PLEKHG1: variants seen among roughly 807,000 people sequenced by gnomAD.
The protein encoded by PLEKHG1 is pleckstrin homology and RhoGEF domain containing G1.
A neutral mutation model predicts 100.8 loss-of-function variants in PLEKHG1; 44 were observed. The ratio of observed to expected loss-of-function variants is 0.44; its 90% CI spans 0.34 to 0.56. The LOEUF is 0.56. Among genes scored for constraint, PLEKHG1 ranks in the 20% least tolerant of loss-of-function variants. The pLI is 0.01. For synonymous variants in PLEKHG1, 640 were observed against 662.5 expected, an observed-to-expected ratio of 0.97 and a Z score of 0.52; for missense variants, 1,545 against 1,720.9, an observed-to-expected ratio of 0.90 and a Z score of 1.81.
intron 2 of PLEKHG1, among the ~76,000 whole-genome samples, chr6:150,759,971 G>A (rs1784066128): frequency 6.6e-6 from 1 of 152,168 alleles, no homozygotes; most frequent in Non-Finnish European, 1.5e-5. Flanking sequence ...ATTCTCACCT[G>A]GATGACAGAG....
chr6:150,827,448 TG>T (rs1776674880), intron 14 of PLEKHG1, among the ~76,000 whole-genome samples: 1 of 152,066 alleles, frequency 6.6e-6, no homozygotes, highest in Admixed American at 6.6e-5. Flanking sequence ...CGGCTAATTT[TG>T]TATTTATAGT....
At chr6:150,623,511 C>A (rs1253554417) in intron 1 of PLEKHG1, among the ~76,000 whole-genome samples, 1 of 152,214 alleles carries the variant, frequency 6.6e-6, no homozygotes, top group African/African-American at 2.4e-5. Flanking sequence ...CCAGTGGGAA[C>A]TCCAGGTCTC....
chr6:150,656,269 A>C (rs1479513011), intron 3 of PLEKHG1, among the ~76,000 whole-genome samples: 1 of 152,076 alleles, frequency 6.6e-6, no homozygotes, highest in Non-Finnish European at 1.5e-5. Context: ...GAGAAAAAGG[A>C]TATGAGTTTA....
At position 150,683,267 on chromosome 6, in the gene PLEKHG1, C is replaced by T. The variant is rs940755558; in HGVS notation, c.-99+32481C>T. On this transcript the variant is annotated intron_variant, in intron 3 of 3. Transcript: ENST00000367326. This position sits in a 1 kb window ranked among gnomAD's most constrained non-coding sequence, Gnocchi z 4.0. ...GACATTAGCAACAAACACCCATGAA[C>T]GAAAGTTTGTTGTGAGCCACACTGG... Among the ~76,000 whole-genome samples, 2 of 152,188 alleles carry T rather than the reference C, an allele frequency of 1.3e-5. No individual in the cohort carries two copies. Among genetic ancestry groups the T allele is most frequent in the South Asian group, 4.1e-4 (2 of 4,826 alleles).
At chr6:150,693,912 A>G (rs1780443618) in intron 3 of PLEKHG1, among the ~76,000 whole-genome samples, 1 of 152,226 alleles carries the variant, frequency 6.6e-6, no homozygotes, top group South Asian at 2.1e-4. Flanking sequence ...GCGCTTCAAG[A>G]GAATGGAAGC....
At chr6:150,630,161 G>A (rs1485102443) in intron 1 of PLEKHG1, among the ~76,000 whole-genome samples, 1 of 152,172 alleles carries the variant, frequency 6.6e-6, no homozygotes, top group East Asian at 1.9e-4. Context: ...ATGGTACCTG[G>A]GGAATAGGTC....
chr6:150,723,626 A>G (rs1781810657), intron 1 of PLEKHG1, among the ~76,000 whole-genome samples: 1 of 152,180 alleles, frequency 6.6e-6, no homozygotes, highest in Admixed American at 6.5e-5. Flanking sequence ...AATGAGACAC[A>G]TGAAAGAGCA....
intron 1 of PLEKHG1, among the ~76,000 whole-genome samples, chr6:150,604,416 C>G (rs1265676502): frequency 6.6e-6 from 1 of 152,160 alleles, no homozygotes. Flanking sequence ...CTGTCATATA[C>G]TGTTTGATTT....
intron 2 of PLEKHG1, among the ~76,000 whole-genome samples, chr6:150,762,440 C>G (rs1347358139): frequency 6.6e-6 from 1 of 152,004 alleles, no homozygotes; most frequent in Non-Finnish European, 1.5e-5. Flanking sequence ...CTCTGATAAC[C>G]TGCCTGCCTC....
At chr6:150,786,752 G>A (rs560629011) in intron 4 of PLEKHG1, among the ~76,000 whole-genome samples, 180 of 151,968 alleles carry the variant, frequency 1.2e-3, no homozygotes, top group Non-Finnish European at 2.0e-3. Context: ...AAAATGGGCC[G>A]GGCATGGTGG....
At chr6:150,785,842 A>G (rs956966674) in intron 3 of PLEKHG1, among the ~76,000 whole-genome samples, 3 of 152,086 alleles carry the variant, frequency 2.0e-5, no homozygotes, top group African/African-American at 4.8e-5. Context: ...TCATAGGAGC[A>G]CACACCCTAT....
At position 150,691,034 on chromosome 6, in the gene PLEKHG1, T is replaced by C. The variant is rs1203883814; in HGVS notation, c.-99+40248T>C. 2.6e-5 allele frequency among the ~76,000 whole-genome samples: 4 copies of C among 152,218 alleles called. No individual in the cohort carries two copies. In the East Asian group the frequency reaches 7.7e-4, roughly 29 times the overall value. ...GGCCTGATACTCTCTAAATCCACCA[T>C]GGCGGTTGTCCTACACAGAGTTGGC... On this transcript the variant is annotated intron_variant, in intron 3 of 3. Transcript: ENST00000367326.
At chr6:150,843,231 C>T (rs1227071444) in exon 16 of PLEKHG1, 2 of 152,174 alleles carry the variant, frequency 1.3e-5, no homozygotes, top group East Asian at 1.9e-4. Flanking sequence ...TAGGAATACA[C>T]CTCACTGCAC....
At chr6:150,783,388 T>TA (rs1237846139) in intron 3 of PLEKHG1, among the ~76,000 whole-genome samples, 7 of 150,832 alleles carry the variant, frequency 4.6e-5, no homozygotes, top group African/African-American at 1.7e-4. Flanking sequence ...TTTTTTTTTT[T>TA]AACGGAGTCT....
Position 150,683,754 on chromosome 6 carries a change from G to A in PLEKHG1, c.-99+32968G>A, listed in dbSNP as rs574980941. 383 of 1,284,130 alleles carry A rather than the reference G, an allele frequency of 3.0e-4. 2 individuals carry two copies. The African/African-American group carries it at 4.9e-3, about 16-fold the overall frequency. 79.5% of individuals were successfully genotyped at this position (1,284,130 alleles called of 1,614,324 possible). ...CTAGTATCCAGGGCATAGGACGTCT[G>A]AAGGAAAGATGGAGCCATTCTTGGT... On this transcript the variant is annotated intron_variant, in intron 3 of 3. Coordinates refer to the PLEKHG1 transcript ENST00000367326. The surrounding 1 kb of genome is among the most constrained non-coding windows in gnomAD (Gnocchi z 4.0).
chr6:150,750,780 CAAA>C (rs1158670858), intron 2 of PLEKHG1, among the ~76,000 whole-genome samples: 305 of 37,380 alleles, frequency 8.2e-3, no homozygotes, highest in African/African-American at 0.029. Flanking sequence ...GACTCCATCT[CAAA>C]AAAAAAAAAA....
At chr6:150,705,306 T>C (rs1780959030) in intron 3 of PLEKHG1, among the ~76,000 whole-genome samples, 1 of 152,280 alleles carries the variant, frequency 6.6e-6, no homozygotes, top group Admixed American at 6.5e-5. Flanking sequence ...TTATAAGCTG[T>C]AAATGGTTTA....
chr6:150,632,522 C>T (rs553829671), intron 1 of PLEKHG1, among the ~76,000 whole-genome samples: 5 of 152,342 alleles, frequency 3.3e-5, no homozygotes, highest in East Asian at 3.9e-4. Context: ...GGCCCCCAGG[C>T]GAGTGTTGCC....
At chr6:150,690,514 T>G (rs1780315247) in intron 3 of PLEKHG1, among the ~76,000 whole-genome samples, 1 of 152,204 alleles carries the variant, frequency 6.6e-6, no homozygotes, top group Non-Finnish European at 1.5e-5. Flanking sequence ...AAATATCAAA[T>G]GTAACTATAC....
Sources: allele counts gnomAD v4.1 joint callset (sites outside exome capture counted in the v4.1 genomes callset), GRCh38; gene constraint gnomAD v4.1.1; non-coding constraint Gnocchi (gnomAD v3.1); transcripts MANE v1.5; gene names NCBI Gene and HGNC (gene_info 2026-07-23, HGNC 2026-07-21).